KIAA1217: variants seen among roughly 807,000 people sequenced by gnomAD.
KIAA1217 encodes KIAA1217, also known as sickle tail protein homolog.
Under a neutral mutation model 163.9 loss-of-function variants are expected in KIAA1217, and 88 were observed. The ratio of observed to expected loss-of-function variants is 0.54; its 90% CI spans 0.45 to 0.64. KIAA1217 has a LOEUF of 0.64. Ranked by LOEUF, KIAA1217 falls within the 30% of genes least tolerant of loss-of-function variation. KIAA1217 has a pLI of 0.00. For synonymous variants in KIAA1217, 903 were observed against 923.1 expected (o/e 0.98, Z 0.39); for missense variants, 2,372 against 2,475.0 (o/e 0.96, Z 0.88).
Position 23,842,347 on chromosome 10 carries a change from A to G in KIAA1217, c.-321+147113A>G, listed in dbSNP as rs1026008953. ...TCTCCAAATTTCCAGAAACAACAAT[A>G]ATTGGCTGAGTGTGAGTTGGATTTT... On this transcript the variant is annotated intron_variant, in intron 1 of 18. Transcript: ENST00000376462. Among the ~76,000 whole-genome samples the G allele has an allele frequency of 5.3e-5, 8 of 152,256 alleles. No homozygotes were observed. The East Asian group carries it at 1.5e-3, about 29-fold the overall frequency.
At chr10:24,319,597 C>T (rs1388513099) in intron 2 of KIAA1217, among the ~76,000 whole-genome samples, 1 of 152,136 alleles carries the variant, frequency 6.6e-6, no homozygotes, top group East Asian at 1.9e-4. Context: ...AGGCCACGTG[C>T]ACGTAGAGCA....
At chr10:24,059,671 G>C (rs373881136) in intron 2 of KIAA1217, among the ~76,000 whole-genome samples, 1 of 152,018 alleles carries the variant, frequency 6.6e-6, no homozygotes, top group Non-Finnish European at 1.5e-5. Flanking sequence ...TCTGCCTTTC[G>C]GGTTCACGCC....
At chr10:24,192,696 T>A (rs1354200173) in intron 2 of KIAA1217, among the ~76,000 whole-genome samples, 2 of 152,256 alleles carry the variant, frequency 1.3e-5, no homozygotes, top group East Asian at 3.9e-4. Flanking sequence ...CAATTCACTC[T>A]GCATGTGTGA....
intron 2 of KIAA1217, among the ~76,000 whole-genome samples, chr10:24,321,341 C>T (rs1002714975): frequency 1.2e-4 from 19 of 152,024 alleles, no homozygotes; most frequent in Non-Finnish European, 2.1e-4. Flanking sequence ...GAGTTCGAGA[C>T]CAGCCTGACC....
intron 5 of KIAA1217, among the ~76,000 whole-genome samples, chr10:24,462,061 T>C (rs2062461697): frequency 6.6e-6 from 1 of 152,144 alleles, no homozygotes; most frequent in South Asian, 2.1e-4. Flanking sequence ...TGTGTGTACA[T>C]ATATGTATAT....
intron 2 of KIAA1217, among the ~76,000 whole-genome samples, chr10:24,142,440 T>C (rs1269223120): frequency 3.3e-5 from 5 of 151,432 alleles, no homozygotes; most frequent in Non-Finnish European, 5.9e-5. Context: ...ATGGTTTCCT[T>C]GTGTCTAGAA....
At chr10:23,727,427 G>A (rs1838225175) in intron 1 of KIAA1217, among the ~76,000 whole-genome samples, 1 of 151,922 alleles carries the variant, frequency 6.6e-6, no homozygotes, top group Non-Finnish European at 1.5e-5. Flanking sequence ...GGGTGTGGTG[G>A]TGCACACCTA....
At chr10:24,301,691 T>A (rs1271214705) in intron 2 of KIAA1217, among the ~76,000 whole-genome samples, 1 of 152,226 alleles carries the variant, frequency 6.6e-6, no homozygotes, top group Admixed American at 6.5e-5. Flanking sequence ...TTTACTTATT[T>A]TTTTTTAAAG....
At chr10:23,827,750 C>T (rs964406649) in intron 1 of KIAA1217, among the ~76,000 whole-genome samples, 23 of 152,110 alleles carry the variant, frequency 1.5e-4, no homozygotes, top group Non-Finnish European at 2.9e-4. Context: ...GCTCACAAGC[C>T]GCCGGTATGA....
intron 2 of KIAA1217, among the ~76,000 whole-genome samples, chr10:24,146,229 T>G (rs987691420): frequency 8.8e-6 from 1 of 113,886 alleles, no homozygotes; most frequent in African/African-American, 4.6e-5. Flanking sequence ...TGCATGCTTT[T>G]CTTTGTATTT....
rs138936102 is a variant in KIAA1217, at chr10:23,816,317, G to A, written c.-321+121083G>A. Among the ~76,000 whole-genome samples, 28 of 151,926 alleles carry A rather than the reference G, an allele frequency of 1.8e-4. No individual in the cohort carries two copies. The East Asian group carries it at 2.1e-3, about 12-fold the overall frequency. On this transcript the variant is annotated intron_variant, in intron 1 of 18. Coordinates refer to the KIAA1217 transcript ENST00000376462. ...GTTTGTTTGTTTGTTTGTTTGAGGC[G>A]GAATCTCCTCTGTTGCCCAGGCTGG...
intron 1 of KIAA1217, among the ~76,000 whole-genome samples, chr10:23,778,664 G>A (rs1835114225): frequency 6.6e-6 from 1 of 152,156 alleles, no homozygotes; most frequent in African/African-American, 2.4e-5. Context: ...TAGTAATCAA[G>A]TCCTGGCTAT....
intron 4 of KIAA1217, among the ~76,000 whole-genome samples, chr10:24,437,867 C>A (rs1307390663): frequency 3.4e-5 from 3 of 88,782 alleles, no homozygotes; most frequent in Admixed American, 1.4e-4. Context: ...TTCTGGACTC[C>A]AGATACCTTT....
At chr10:23,729,090 C>T (rs959705841) in intron 1 of KIAA1217, among the ~76,000 whole-genome samples, 3 of 152,132 alleles carry the variant, frequency 2.0e-5, no homozygotes, top group Non-Finnish European at 4.4e-5. Context: ...TGCTCACATG[C>T]AGTTAAGGTT....
At chr10:24,171,817 A>T (rs1330983530) in intron 2 of KIAA1217, among the ~76,000 whole-genome samples, 1 of 152,182 alleles carries the variant, frequency 6.6e-6, no homozygotes, top group Non-Finnish European at 1.5e-5. Flanking sequence ...TAAACAAATA[A>T]ATAAATGAAT....
chr10:24,170,002 A>G (rs1388655345), intron 2 of KIAA1217, among the ~76,000 whole-genome samples: 2 of 152,248 alleles, frequency 1.3e-5, no homozygotes, highest in East Asian at 3.8e-4. Context: ...ATCTGATAGC[A>G]GTGGTTGATT....
rs755574148 is a variant in KIAA1217, at chr10:24,545,969, C to T, written c.5477C>T (p.Pro1826Leu). 1 of 1,614,152 alleles carries T rather than the reference C, an allele frequency of 6.2e-7. No homozygotes were observed. Among genetic ancestry groups the T allele is most frequent in the South Asian group, 1.1e-5 (1 of 91,084 alleles). ...PSSSGDSSNL[P>L]NPPATKPSIA... ...TCTAGTGGTGACAGCTCTAACCTCC[C>T]TAATCCACCTGCTACTAAACCATCG... Residue 1826 changes from proline (P) to leucine (L), a missense_variant, in exon 21 of 21, where the codon CCT becomes CTT. Transcript: ENST00000376454.
intron 2 of KIAA1217, among the ~76,000 whole-genome samples, chr10:24,105,251 A>C (rs151329433): frequency 7.9e-4 from 120 of 152,348 alleles, no homozygotes; most frequent in African/African-American, 2.8e-3. Context: ...AAACTGACTC[A>C]GGGAACACCT....
intron 2 of KIAA1217, among the ~76,000 whole-genome samples, chr10:24,264,831 T>A (rs190138708): frequency 7.4e-6 from 1 of 135,788 alleles, no homozygotes; most frequent in Non-Finnish European, 1.6e-5. Flanking sequence ...CTCTCTCCCT[T>A]TCTCCCTTTC....
Sources: allele counts gnomAD v4.1 joint callset (sites outside exome capture counted in the v4.1 genomes callset), GRCh38; gene constraint gnomAD v4.1.1; transcripts MANE v1.5; gene names NCBI Gene and HGNC (gene_info 2026-07-23, HGNC 2026-07-21).